The following KRABD5 variants were observed in gnomAD, a reference collection of about 807,000 sequenced individuals.
KRABD5 encodes KRAB domain containing 5.
the KRABD5 span, among the ~76,000 whole-genome samples, chr16:31,733,221 T>A: frequency 5.9e-5 from 9 of 151,574 alleles, no homozygotes; most frequent in South Asian, 4.1e-4. Context: ...TCTTGTATAT[T>A]TTTTTTTCTT....
At chr16:31,725,372 C>T in the KRABD5 span, among the ~76,000 whole-genome samples, 1 of 152,214 alleles carries the variant, frequency 6.6e-6, no homozygotes, top group South Asian at 2.1e-4. Context: ...CACACCTCGT[C>T]CTCCCAAAGT....
At chr16:31,725,954 T>G in the KRABD5 span, among the ~76,000 whole-genome samples, 1 of 152,218 alleles carries the variant, frequency 6.6e-6, no homozygotes, top group Non-Finnish European at 1.5e-5. Context: ...TCCTTTGCTG[T>G]GCAGGCAATT....
At chr16:31,746,800 G>A in the KRABD5 span, among the ~76,000 whole-genome samples, 983 of 152,128 alleles carry the variant, frequency 6.5e-3, 8 homozygotes, top group African/African-American at 0.023. Flanking sequence ...TTTCTTGGAG[G>A]CTTTGTTCAT....
the KRABD5 span, among the ~76,000 whole-genome samples, chr16:31,729,897 G>T: frequency 6.6e-6 from 1 of 151,556 alleles, no homozygotes. Flanking sequence ...TTTATGCATA[G>T]AAAAACTCTA....
the KRABD5 span, chr16:31,713,619 C>T: frequency 3.8e-6 from 3 of 795,018 alleles, no homozygotes; most frequent in Admixed American, 3.1e-5. Context: ...CGTCCGGTCC[C>T]CTCCCGACCC....
At chr16:31,744,260 T>C in the KRABD5 span, among the ~76,000 whole-genome samples, 1 of 152,214 alleles carries the variant, frequency 6.6e-6, no homozygotes, top group African/African-American at 2.4e-5. Flanking sequence ...GGCTATGAGT[T>C]TGTCATAAAT....
the KRABD5 span, chr16:31,733,363 CATTTT>C: frequency 1.7e-4 from 61 of 355,420 alleles, no homozygotes; most frequent in Admixed American, 4.1e-4. Context: ...ATTTTTGAAA[CATTTT>C]ATAACTATCT....
At chr16:31,736,994 T>C in the KRABD5 span, among the ~76,000 whole-genome samples, 1 of 152,210 alleles carries the variant, frequency 6.6e-6, no homozygotes, top group Non-Finnish European at 1.5e-5. Flanking sequence ...ACAGAAAAAG[T>C]ATTTGACAAA....
the KRABD5 span, among the ~76,000 whole-genome samples, chr16:31,725,278 G>A: frequency 1.1e-4 from 17 of 152,084 alleles, no homozygotes; most frequent in South Asian, 2.1e-4. Flanking sequence ...ACCCCGCCTG[G>A]CTAATTTTTT....
the KRABD5 span, chr16:31,759,715 A>G: frequency 1.9e-5 from 4 of 213,196 alleles, no homozygotes; most frequent in African/African-American, 9.2e-5. Context: ...TTACAATGTT[A>G]GCTCAGGATC....
At chr16:31,724,725 G>A in the KRABD5 span, among the ~76,000 whole-genome samples, 1 of 150,850 alleles carries the variant, frequency 6.6e-6, no homozygotes, top group Non-Finnish European at 1.5e-5. Flanking sequence ...AAGATCTACT[G>A]TGTTAGCAAA....
chr16:31,743,450 C>A, the KRABD5 span, among the ~76,000 whole-genome samples: 1 of 152,100 alleles, frequency 6.6e-6, no homozygotes, highest in African/African-American at 2.4e-5. Flanking sequence ...GGTGTTATTT[C>A]TGAGGTCTCT....
the KRABD5 span, among the ~76,000 whole-genome samples, chr16:31,747,438 C>T: frequency 7.2e-5 from 11 of 152,018 alleles, no homozygotes; most frequent in South Asian, 2.1e-4. Context: ...TGAATGCTGC[C>T]GCAATAAACA....
chr16:31,761,394 G>T, the KRABD5 span: 1 of 152,000 alleles, frequency 6.6e-6, no homozygotes. Context: ...TATTCATTCT[G>T]CTCAGTATTC....
the KRABD5 span, among the ~76,000 whole-genome samples, chr16:31,743,666 A>G: frequency 3.3e-5 from 5 of 152,094 alleles, no homozygotes; most frequent in East Asian, 5.8e-4. Flanking sequence ...AAGAATGTCA[A>G]TGGTAGTTTG....
chr16:31,746,054 T>G, the KRABD5 span, among the ~76,000 whole-genome samples: 1 of 152,026 alleles, frequency 6.6e-6, no homozygotes, highest in Non-Finnish European at 1.5e-5. Context: ...AACCAATTGG[T>G]CTTGACTCTT....
chr16:31,720,041 A>T, the KRABD5 span, among the ~76,000 whole-genome samples: 1 of 152,216 alleles, frequency 6.6e-6, no homozygotes, highest in Non-Finnish European at 1.5e-5. Flanking sequence ...GAATTATGGG[A>T]TACTCAGGAC....
At chr16:31,748,411 A>T in the KRABD5 span, among the ~76,000 whole-genome samples, 1 of 152,206 alleles carries the variant, frequency 6.6e-6, no homozygotes, top group Non-Finnish European at 1.5e-5. Context: ...TATAGTTTGA[A>T]GTCAGGTAGC....
the KRABD5 span, among the ~76,000 whole-genome samples, chr16:31,727,151 A>AT: frequency 6.6e-6 from 1 of 152,238 alleles, no homozygotes; most frequent in Non-Finnish European, 1.5e-5. Flanking sequence ...GCTTTACTGA[A>AT]TGAGTATTAG....
Sources: gnomAD v4.1 joint callset for allele counts (sites outside exome capture counted in the v4.1 genomes callset) on GRCh38, gnomAD v4.1.1 for gene constraint, MANE v1.5 for transcripts, NCBI Gene and HGNC (gene_info 2026-07-23, HGNC 2026-07-21) for gene names.